Variants in PLEKHG7 observed in about 807,000 individuals in gnomAD.
PLEKHG7 encodes the protein pleckstrin homology domain-containing family G member 7.
In PLEKHG7, 77 loss-of-function variants were observed where a neutral mutation model predicts 85.2. The observed-to-expected ratio is 0.90, with a 90% CI of 0.75 to 1.09. The LOEUF (loss-of-function observed/expected upper bound fraction) is 1.09, where lower values mean the gene tolerates loss of function less well. Ranked by LOEUF, PLEKHG7 falls within the 50% of genes least tolerant of loss-of-function variation. The pLI is 0.00. For missense variants in PLEKHG7, 777 were observed against 804.3 expected (o/e 0.97, Z 0.41); for synonymous variants, 301 against 302.4 (o/e 1.00, Z 0.05).
At chr12:92,716,315 C>T (rs1442877902) in intron 3 of PLEKHG7, among the ~76,000 whole-genome samples, 1 of 152,124 alleles carries the variant, frequency 6.6e-6, no homozygotes, top group Non-Finnish European at 1.5e-5. Flanking sequence ...CCAGGCTGGC[C>T]TCAAACTCCT....
rs138468666 is a variant in PLEKHG7, at chr12:92,754,099, C to T, written c.1261C>T (p.Gln421Ter). Residue 421 changes from glutamine to a stop codon, truncating the protein, a stop_gained, in exon 11 of 17, where the codon CAG becomes TAG. Coordinates refer to ENST00000344636, the MANE Select transcript of PLEKHG7 (RefSeq NM_001377329.1). LOFTEE classifies it high-confidence loss of function. ...CTTTTGCCTTCCCCAGTGGTGTGAG[C>T]AGAATGAACAATGCAGACGGCTCCA... The part of the protein sequence containing the change: ...DFGIYLKWCE[Q>*]NEQCRRLHVP... The T allele has an allele frequency of 3.1e-6, 5 of 1,613,450 alleles. No individual in the cohort carries two copies. Among genetic ancestry groups the T allele is most frequent in the Non-Finnish European group, 4.2e-6 (5 of 1,179,580 alleles).
In PLEKHG7 at chr12:92,731,745, A is replaced by T. The variant is rs1228223859; in HGVS notation, c.659-488A>T. On this transcript the variant is annotated intron_variant, in intron 4 of 16. Coordinates refer to ENST00000344636, the MANE Select transcript of PLEKHG7 (RefSeq NM_001377329.1). ...AATGTTCCCTATTTTGGGAGTCTTC[A>T]TTTAACCACATCTGGGGATTATGAG... Among the ~76,000 whole-genome samples the T allele has an allele frequency of 4.6e-5, 7 of 152,334 alleles. 1 individual carries two copies. The highest frequency in any genetic ancestry group is 7.3e-5 in the Non-Finnish European group (5 of 68,032).
chr12:92,741,015 T>G (rs748871354), intron 8 of PLEKHG7, 67 bp downstream of exon 8: 10 of 1,151,174 alleles, frequency 8.7e-6, no homozygotes, highest in Non-Finnish European at 1.3e-5. Context: ...ATGCTTGGTC[T>G]GTTCTTATGG....
At chr12:92,752,647 G>T (rs1470234521) in intron 10 of PLEKHG7, among the ~76,000 whole-genome samples, 1 of 152,188 alleles carries the variant, frequency 6.6e-6, no homozygotes, top group Non-Finnish European at 1.5e-5. Context: ...CAAGGCAAAG[G>T]ATTTAACCTG....
intron 7 of PLEKHG7, among the ~76,000 whole-genome samples, chr12:92,739,084 C>T (rs926181852): frequency 3.9e-5 from 6 of 152,234 alleles, no homozygotes; most frequent in Admixed American, 3.9e-4. Flanking sequence ...CTTCCCATCT[C>T]TCACCCTGCC....
chr12:92,768,520 CTTAAT>C (rs1873286374), intron 15 of PLEKHG7, among the ~76,000 whole-genome samples: 1 of 152,098 alleles, frequency 6.6e-6, no homozygotes, highest in South Asian at 2.1e-4. Flanking sequence ...TTTGCCACAT[CTTAAT>C]TTGTTTATAA....
At chr12:92,761,582 A>G in intron 13 of PLEKHG7, among the ~76,000 whole-genome samples, 170 bp from the exon 14 acceptor site, 1 of 147,198 alleles carries the variant, frequency 6.8e-6, no homozygotes, top group Non-Finnish European at 1.5e-5. Flanking sequence ...GAAGGAAGGA[A>G]AGAGAGAATG....
At chr12:92,743,064 C>T (rs892717024) in intron 9 of PLEKHG7, among the ~76,000 whole-genome samples, 1 of 152,146 alleles carries the variant, frequency 6.6e-6, no homozygotes, top group African/African-American at 2.4e-5. Flanking sequence ...ATGTTCTAAT[C>T]AGCCAGGTGA....
intron 4 of PLEKHG7, among the ~76,000 whole-genome samples, chr12:92,730,187 TCTA>T (rs879646572): frequency 6.6e-6 from 1 of 152,190 alleles, no homozygotes; most frequent in African/African-American, 2.4e-5. Context: ...GCCTTTCACA[TCTA>T]CTTACTGTCT....
intron 3 of PLEKHG7, among the ~76,000 whole-genome samples, chr12:92,725,046 G>A (rs919267097): frequency 2.6e-5 from 4 of 151,754 alleles, no homozygotes; most frequent in Non-Finnish European, 4.4e-5. Flanking sequence ...AGGGAATATA[G>A]ACAATTGACT....
At position 92,741,514 on chromosome 12, in the gene PLEKHG7, T is replaced by C. The variant is rs774766426; in HGVS notation, c.1059T>C (p.Ser353=). 6.2e-7 allele frequency: 1 copy of C among 1,612,318 alleles called. No individual in the cohort carries two copies. The highest frequency in any genetic ancestry group is 1.1e-5 in the South Asian group (1 of 90,748). Residue 353 remains serine, a synonymous_variant, in exon 9 of 17, where the codon AGT becomes AGC. Coordinates refer to ENST00000344636, the MANE Select transcript of PLEKHG7 (RefSeq NM_001377329.1). Reference sequence around the variant, plus strand: ...AGACAAGCCTTGGTTTTGTGAACAGTCTCTTTGGCATCATCAAGGACTATG... The same window carrying C: ...AGACAAGCCTTGGTTTTGTGAACAGCCTCTTTGGCATCATCAAGGACTATG... ...LTQTSLGFVN[S]LFGIIKDYVD...
intron 13 of PLEKHG7, among the ~76,000 whole-genome samples, chr12:92,761,034 G>C (rs1373584695): frequency 6.6e-6 from 1 of 152,174 alleles, no homozygotes; most frequent in Non-Finnish European, 1.5e-5. Flanking sequence ...GTGGGGGATA[G>C]GGTGGAGGTA....
At chr12:92,747,760 A>AAAC (rs1872574983) in intron 10 of PLEKHG7, among the ~76,000 whole-genome samples, 1 of 152,232 alleles carries the variant, frequency 6.6e-6, no homozygotes, top group Non-Finnish European at 1.5e-5. Context: ...CTTACAGATA[A>AAAC]AACTAGAGGT....
intron 3 of PLEKHG7, among the ~76,000 whole-genome samples, chr12:92,728,586 A>G (rs1226220283): frequency 1.4e-5 from 2 of 143,112 alleles, no homozygotes; most frequent in Non-Finnish European, 2.9e-5. Flanking sequence ...GTGTACACAT[A>G]CCACATTCCA....
intron 3 of PLEKHG7, among the ~76,000 whole-genome samples, chr12:92,727,979 C>T (rs1565789484): frequency 3.8e-5 from 5 of 130,516 alleles, no homozygotes; most frequent in Non-Finnish European, 5.0e-5. Context: ...TATATATACA[C>T]ATATATACAC....
At chr12:92,735,972 A>T (rs1052877756) in intron 5 of PLEKHG7, among the ~76,000 whole-genome samples, 4 of 152,210 alleles carry the variant, frequency 2.6e-5, no homozygotes, top group Non-Finnish European at 5.9e-5. Flanking sequence ...CATTCTAAGG[A>T]AAATAGAGTT....
chr12:92,740,361 A>G (rs1872316419), intron 7 of PLEKHG7, among the ~76,000 whole-genome samples: 1 of 152,220 alleles, frequency 6.6e-6, no homozygotes, highest in Non-Finnish European at 1.5e-5. Context: ...GTTTTCATCC[A>G]TGTTTAATGC....
chr12:92,765,407 A>C (rs1438330344), intron 15 of PLEKHG7, among the ~76,000 whole-genome samples: 1 of 151,820 alleles, frequency 6.6e-6, no homozygotes, highest in East Asian at 1.9e-4. Context: ...AGTTGGGCAG[A>C]TCACCTGAGG....
At chr12:92,730,239 A>G (rs1871944537) in intron 4 of PLEKHG7, among the ~76,000 whole-genome samples, 1 of 152,164 alleles carries the variant, frequency 6.6e-6, no homozygotes, top group African/African-American at 2.4e-5. Flanking sequence ...ACCAAGAGGG[A>G]TTAAGTGATC....
Sources: allele counts gnomAD v4.1 joint callset (sites outside exome capture counted in the v4.1 genomes callset), GRCh38; gene constraint gnomAD v4.1.1; transcripts MANE v1.5; gene names NCBI Gene and HGNC (gene_info 2026-07-23, HGNC 2026-07-21).